TNFRSF10D: variants seen among roughly 807,000 people sequenced by gnomAD.
The protein encoded by TNFRSF10D is TNF receptor superfamily member 10d, also known as tumor necrosis factor receptor superfamily member 10D.
Under a neutral mutation model 42.1 loss-of-function variants are expected in TNFRSF10D, and 28 were observed. The observed-to-expected ratio is 0.66, with a 90% CI of 0.49 to 0.91. TNFRSF10D has a LOEUF of 0.91. Among genes scored for constraint, TNFRSF10D ranks in the 40% least tolerant of loss-of-function variants. TNFRSF10D has a pLI of 0.00. For missense variants in TNFRSF10D, 503 were observed against 486.1 expected (o/e 1.03, Z -0.33); for synonymous variants, 186 against 189.4 (o/e 0.98, Z 0.15).
At chr8:23,142,202 C>T (rs907981568) in intron 7 of TNFRSF10D, among the ~76,000 whole-genome samples, 2 of 151,694 alleles carry the variant, frequency 1.3e-5, no homozygotes, top group African/African-American at 4.8e-5. Flanking sequence ...CCTGGAGGGG[C>T]GGAGGTTGCA....
chr8:23,143,680 A>G (rs78595502), intron 7 of TNFRSF10D, among the ~76,000 whole-genome samples: 944 of 152,256 alleles, frequency 6.2e-3, no homozygotes, highest in African/African-American at 0.019. Flanking sequence ...TAGGAGAATC[A>G]GTTCCTAAAC....
intron 1 of TNFRSF10D, among the ~76,000 whole-genome samples, chr8:23,161,127 C>T (rs1449956621): frequency 1.3e-5 from 2 of 152,240 alleles, no homozygotes; most frequent in Non-Finnish European, 2.9e-5. Context: ...GTGGTTCATC[C>T]TCCCACACCT....
chr8:23,158,299 G>A (rs1349449280), intron 1 of TNFRSF10D, among the ~76,000 whole-genome samples: 5 of 152,086 alleles, frequency 3.3e-5, no homozygotes, highest in South Asian at 2.1e-4. Flanking sequence ...CGGATTCGCC[G>A]CCTTCAACGT....
intron 7 of TNFRSF10D, among the ~76,000 whole-genome samples, chr8:23,143,202 T>A (rs1282864583): frequency 6.6e-6 from 1 of 150,804 alleles, no homozygotes; most frequent in African/African-American, 2.5e-5. Flanking sequence ...GGTCTCCATC[T>A]CTTGACCTTG....
At chr8:23,142,465 A>C (rs1800044383) in intron 7 of TNFRSF10D, among the ~76,000 whole-genome samples, 1 of 152,254 alleles carries the variant, frequency 6.6e-6, no homozygotes, top group Non-Finnish European at 1.5e-5. Flanking sequence ...ATGAAGCTGG[A>C]GGCCATCATC....
chr8:23,148,367 C>G, intron 3 of TNFRSF10D, 71 bp downstream of exon 3: 1 of 1,243,514 alleles, frequency 8.0e-7, no homozygotes, highest in East Asian at 2.5e-5. Context: ...TTCCCCGACT[C>G]ACATCGGCTA....
chr8:23,140,160 G>A lies in TNFRSF10D; in HGVS notation c.955-1900C>T, dbSNP rs1469898335. Among the ~76,000 whole-genome samples, 4 of 152,084 alleles carry A rather than the reference G, an allele frequency of 2.6e-5. No individual in the cohort carries two copies. The East Asian group carries it at 7.7e-4, about 29-fold the overall frequency. On this transcript the variant is annotated intron_variant, in intron 7 of 8. Coordinates refer to ENST00000312584, the MANE Select transcript of TNFRSF10D (RefSeq NM_003840.5). ...AAAAACTAACCAGGCGTGGCAGTGT[G>A]CGCCTGTAATCCCAGCTGCTGGGGA...
chr8:23,146,380 GC>G (rs1321266281), intron 4 of TNFRSF10D, among the ~76,000 whole-genome samples: 2 of 152,110 alleles, frequency 1.3e-5, no homozygotes, highest in African/African-American at 4.8e-5. Flanking sequence ...GTTACTCTTT[GC>G]CCCTAAAACC....
chr8:23,138,301 G>A (rs1163376162), intron 7 of TNFRSF10D, 41 bp from the exon 8 acceptor site: 6 of 1,610,724 alleles, frequency 3.7e-6, no homozygotes, highest in African/African-American at 1.3e-5. Flanking sequence ...AGAGTCAGGA[G>A]TCCTGCAGTC....
At position 23,135,953 on chromosome 8, in the gene TNFRSF10D, G is replaced by A. The variant is rs767738478; in HGVS notation, c.*1917C>T. 5.4e-5 allele frequency: 24 copies of A among 447,656 alleles called. No homozygotes were observed. The highest frequency in any genetic ancestry group is 8.1e-5 in the Non-Finnish European group (18 of 223,584). The allele number at this position is 447,656 out of a possible 1,614,324, so 27.7% of individuals were successfully genotyped here. A position where few individuals can be genotyped will look rare whatever the true frequency, so the allele number is the denominator to read the frequency against. On this transcript the variant is annotated 3_prime_UTR_variant, in exon 9 of 9. Transcript: ENST00000312584. The stretch of plus-strand genomic sequence containing the variant: ...CATCCAGAAGTGCAGGGGACAAGGT[G>A]TGGGACGCCAGATGGAAGTGGGAGA...
At chr8:23,149,236 T>G (rs1279569667) in intron 2 of TNFRSF10D, among the ~76,000 whole-genome samples, 1 of 151,506 alleles carries the variant, frequency 6.6e-6, no homozygotes, top group African/African-American at 2.4e-5. Context: ...ATATTTTATC[T>G]TTTTTAAAAT....
intron 7 of TNFRSF10D, among the ~76,000 whole-genome samples, chr8:23,138,708 T>C (rs1814387791): frequency 6.6e-6 from 1 of 152,212 alleles, no homozygotes; most frequent in Non-Finnish European, 1.5e-5. Context: ...AAATGATCTT[T>C]GATCATCAGT....
intron 7 of TNFRSF10D, among the ~76,000 whole-genome samples, chr8:23,144,212 T>G (rs1800074614): frequency 6.6e-6 from 1 of 152,232 alleles, no homozygotes; most frequent in South Asian, 2.1e-4. Flanking sequence ...ACTCTATGCC[T>G]GTGGAGATCC....
intron 2 of TNFRSF10D, among the ~76,000 whole-genome samples, chr8:23,151,410 G>A (rs903029223): frequency 6.6e-6 from 1 of 151,322 alleles, no homozygotes; most frequent in Non-Finnish European, 1.5e-5. Flanking sequence ...ATGTTAAAGA[G>A]AGTTATTCAA....
At chr8:23,141,263 G>C (rs763300087) in intron 7 of TNFRSF10D, among the ~76,000 whole-genome samples, 1 of 152,190 alleles carries the variant, frequency 6.6e-6, no homozygotes, top group African/African-American at 2.4e-5. Context: ...CCAGCACTTT[G>C]AGAGGACGAG....
intron 4 of TNFRSF10D, 101 bp from the exon 5 acceptor site, chr8:23,146,022 G>A (rs895391556): frequency 4.8e-5 from 74 of 1,531,776 alleles, no homozygotes; most frequent in Middle Eastern, 2.3e-4. Flanking sequence ...CTGAGAAGGC[G>A]TCAGGAGGAC....
chr8:23,143,448 G>A (rs1014402781), intron 7 of TNFRSF10D, among the ~76,000 whole-genome samples: 1 of 152,146 alleles, frequency 6.6e-6, no homozygotes, highest in African/African-American at 2.4e-5. Flanking sequence ...GGGCAACATA[G>A]CAAGATCAGA....
At position 23,137,542 on chromosome 8, in the gene TNFRSF10D, C is replaced by A. The variant is rs1376404406; in HGVS notation, c.*328G>T. 1.1e-5 allele frequency: 2 copies of A among 185,294 alleles called. No individual in the cohort carries two copies. The highest frequency in any genetic ancestry group is 3.1e-4 in the South Asian group (2 of 6,474). The allele number at this position is 185,294 out of a possible 1,614,324, so 11.5% of individuals were successfully genotyped here. A position where few individuals can be genotyped will look rare whatever the true frequency, so the allele number is the denominator to read the frequency against. Reference sequence around the variant, plus strand: ...CTGGTCTCAAACTCCCGAGCTCAAGCAATCCACCTGCCTCAGCCTATCAAA... The same window carrying A: ...CTGGTCTCAAACTCCCGAGCTCAAGAAATCCACCTGCCTCAGCCTATCAAA... On this transcript the variant is annotated 3_prime_UTR_variant, in exon 9 of 9. Transcript: ENST00000312584.
intron 7 of TNFRSF10D, among the ~76,000 whole-genome samples, chr8:23,139,666 G>A (rs1029648680): frequency 6.6e-5 from 10 of 152,040 alleles, no homozygotes; most frequent in African/African-American, 2.4e-4. Context: ...ACATAGTACT[G>A]GAAGTCCTAG....
Sources: allele counts gnomAD v4.1 joint callset (sites outside exome capture counted in the v4.1 genomes callset), GRCh38; gene constraint gnomAD v4.1.1; transcripts MANE v1.5; gene names NCBI Gene and HGNC (gene_info 2026-07-23, HGNC 2026-07-21).